The following EML1 variants were observed in gnomAD, a reference collection of about 807,000 sequenced individuals.
EML1 encodes the protein echinoderm microtubule-associated protein-like 1.
In EML1, 27 loss-of-function variants were observed where a neutral mutation model predicts 110.4. The ratio of observed to expected loss-of-function variants is 0.24; its 90% CI spans 0.18 to 0.34. The LOEUF is 0.34. Among genes scored for constraint, EML1 ranks in the 10% least tolerant of loss-of-function variants. The pLI is 1.00. For synonymous variants in EML1, 344 were observed against 385.8 expected, an observed-to-expected ratio of 0.89 and a Z score of 1.27; for missense variants, 741 against 1,030.9, an observed-to-expected ratio of 0.72 and a Z score of 3.85.
chr14:99,828,493 G>A (rs1157424589), intron 1 of EML1, among the ~76,000 whole-genome samples: 1 of 152,018 alleles, frequency 6.6e-6, no homozygotes, highest in Non-Finnish European at 1.5e-5. Context: ...TAGTGATGCT[G>A]GCATATTGTT....
intron 1 of EML1, among the ~76,000 whole-genome samples, chr14:99,812,518 A>C (rs12891247): frequency 0.38 from 58,058 of 151,456 alleles, 12,276 homozygotes; most frequent in South Asian, 0.55. Context: ...CCCAGTGACC[A>C]TTCCTCGGCT....
At chr14:99,844,059 T>G (rs1245982505) in intron 1 of EML1, among the ~76,000 whole-genome samples, 1 of 152,192 alleles carries the variant, frequency 6.6e-6, no homozygotes, top group Admixed American at 6.5e-5. Context: ...TCACAAGAAG[T>G]TACATAGCAC....
At chr14:99,892,907 C>A (rs1027217624) in intron 5 of EML1, among the ~76,000 whole-genome samples, 5 of 152,164 alleles carry the variant, frequency 3.3e-5, no homozygotes, top group African/African-American at 1.2e-4. Context: ...TTGCTAGAAT[C>A]CCTTTTCATT....
intron 1 of EML1, among the ~76,000 whole-genome samples, chr14:99,739,377 G>T (rs151330330): frequency 1.3e-5 from 2 of 152,176 alleles, no homozygotes; most frequent in Non-Finnish European, 2.9e-5. Flanking sequence ...AAAGCCACCC[G>T]CATGGAGATG....
intron 6 of EML1, among the ~76,000 whole-genome samples, chr14:99,895,204 C>T (rs1036571846): frequency 2.0e-5 from 3 of 151,894 alleles, no homozygotes; most frequent in African/African-American, 7.3e-5. Context: ...TGAAAATAAT[C>T]AAGAATGGGT....
intron 1 of EML1, among the ~76,000 whole-genome samples, chr14:99,836,322 C>T (rs1306497799): frequency 6.6e-6 from 1 of 152,042 alleles, no homozygotes; most frequent in Admixed American, 6.5e-5. Flanking sequence ...TTTCAAATTC[C>T]AATTGTTCAT....
chr14:99,923,243 T>G (rs2060161519), intron 17 of EML1, among the ~76,000 whole-genome samples: 1 of 152,204 alleles, frequency 6.6e-6, no homozygotes, highest in Non-Finnish European at 1.5e-5. Flanking sequence ...ATGCCCAGCC[T>G]TCATTTTCTT....
At chr14:99,816,396 C>T (rs2058168423) in intron 1 of EML1, among the ~76,000 whole-genome samples, 1 of 152,252 alleles carries the variant, frequency 6.6e-6, no homozygotes, top group South Asian at 2.1e-4. Context: ...CTCCTAACCT[C>T]AGGTGATTGG....
intron 2 of EML1, among the ~76,000 whole-genome samples, chr14:99,853,005 A>G (rs1415238328): frequency 6.6e-6 from 1 of 152,234 alleles, no homozygotes; most frequent in Non-Finnish European, 1.5e-5. Context: ...GAAAGGGTAC[A>G]TTTGAAGGAG....
intron 1 of EML1, among the ~76,000 whole-genome samples, chr14:99,840,287 G>A (rs1362412759): frequency 6.6e-6 from 1 of 152,182 alleles, no homozygotes; most frequent in Non-Finnish European, 1.5e-5. Context: ...AAAATTCTAT[G>A]TGTATTTTAC....
intron 2 of EML1, among the ~76,000 whole-genome samples, chr14:99,853,453 T>A (rs2058847616): frequency 6.6e-6 from 1 of 151,966 alleles, no homozygotes; most frequent in African/African-American, 2.4e-5. Flanking sequence ...GTGCTCATCT[T>A]TGAGGCAGCT....
chr14:99,764,131 G>T (rs948244072), intron 1 of EML1, among the ~76,000 whole-genome samples: 1 of 152,154 alleles, frequency 6.6e-6, no homozygotes, highest in African/African-American at 2.4e-5. Context: ...GACTTGCTGT[G>T]TGACCTTCCT....
At chr14:99,837,213 A>ACGTGTGT (rs1283705825) in intron 1 of EML1, among the ~76,000 whole-genome samples, 2 of 152,116 alleles carry the variant, frequency 1.3e-5, no homozygotes, top group Non-Finnish European at 1.5e-5. Context: ...TGTCTCAGCA[A>ACGTGTGT]CTTAGGGAGA....
In EML1 at chr14:99,783,481, G is replaced by T. The variant is rs1478511693; in HGVS notation, c.-27+9468G>T. 3.0e-5 allele frequency among the ~76,000 whole-genome samples: 3 copies of T among 100,850 alleles called. No homozygotes were observed. In the East Asian group the frequency reaches 1.0e-3, roughly 34 times the overall value. 66.2% of individuals were successfully genotyped at this position (100,850 alleles called of 152,430 possible). The stretch of plus-strand genomic sequence containing the variant: ...CTAGAATACTTTCCAGAGTTAAAGG[G>T]GTACTTTTTTTTTTTTTTTTTGAGA... On this transcript the variant is annotated intron_variant, in intron 1 of 22. Transcript: ENST00000327921.
intron 10 of EML1, among the ~76,000 whole-genome samples, chr14:99,908,488 C>G (rs1238765929): frequency 6.6e-6 from 1 of 152,198 alleles, no homozygotes; most frequent in Admixed American, 6.5e-5. Flanking sequence ...AGGTCTGTTC[C>G]CTGACACCTG....
intron 1 of EML1, among the ~76,000 whole-genome samples, chr14:99,756,293 G>T (rs2057254067): frequency 6.6e-6 from 1 of 152,254 alleles, no homozygotes; most frequent in Non-Finnish European, 1.5e-5. Flanking sequence ...GCAGGGTCAG[G>T]CAGCATGACC....
chr14:99,839,325 C>T (rs2058596547), intron 1 of EML1, among the ~76,000 whole-genome samples: 1 of 152,080 alleles, frequency 6.6e-6, no homozygotes, highest in Non-Finnish European at 1.5e-5. Context: ...TTGATTTGAT[C>T]CCTCATCTGT....
At chr14:99,914,127 AC>A in intron 13 of EML1, 51 bp from the exon 14 acceptor site, 1 of 1,581,436 alleles carries the variant, frequency 6.3e-7, no homozygotes. Flanking sequence ...GACTGAGCTA[AC>A]AACTGAATGA....
At chr14:99,826,830 T>C (rs1027232019) in intron 1 of EML1, among the ~76,000 whole-genome samples, 5 of 151,972 alleles carry the variant, frequency 3.3e-5, no homozygotes, top group Admixed American at 6.6e-5. Context: ...TGGAAACAAA[T>C]CAGGCACAGA....
Sources: gnomAD v4.1 joint callset for allele counts (sites outside exome capture counted in the v4.1 genomes callset) on GRCh38, gnomAD v4.1.1 for gene constraint, MANE v1.5 for transcripts, NCBI Gene and HGNC (gene_info 2026-07-23, HGNC 2026-07-21) for gene names.